The following ANKS1B variants were observed in gnomAD, a reference collection of about 807,000 sequenced individuals.
ANKS1B encodes the protein ankyrin repeat and sterile alpha motif domain containing 1B, also known as ankyrin repeat and sterile alpha motif domain-containing protein 1B.
In ANKS1B, 36 loss-of-function variants were observed where a neutral mutation model predicts 148.3. That is an observed-to-expected ratio of 0.24 (90% confidence interval 0.19 to 0.32). ANKS1B has a LOEUF of 0.32. Among genes scored for constraint, ANKS1B ranks in the 10% least tolerant of loss-of-function variants. The pLI is 1.00. For missense variants in ANKS1B, 1,157 were observed against 1,542.6 expected (o/e 0.75, Z 4.19); for synonymous variants, 542 against 560.8 (o/e 0.97, Z 0.47).
intron 1 of ANKS1B, among the ~76,000 whole-genome samples, chr12:99,959,470 C>A (rs1335323272): frequency 2.6e-5 from 4 of 151,980 alleles, no homozygotes; most frequent in Non-Finnish European, 5.9e-5. Flanking sequence ...AAATTACTAT[C>A]TATTGCATAT....
At chr12:99,199,920 G>C (rs1221172529) in intron 14 of ANKS1B, among the ~76,000 whole-genome samples, 1 of 152,148 alleles carries the variant, frequency 6.6e-6, no homozygotes, top group East Asian at 1.9e-4. Flanking sequence ...GAGATGCTTG[G>C]AGCAGGGAGA....
chr12:99,848,940 A>G lies in ANKS1B; in HGVS notation c.135-23551T>C, dbSNP rs116518840. Among the ~76,000 whole-genome samples the G allele has an allele frequency of 8.0e-3, 1,211 of 152,232 alleles. 14 individuals are homozygous for G. The highest frequency in any genetic ancestry group is 0.028 in the African/African-American group (1,146 of 41,542). ...CACTATCATAAGCAAACTAACACAG[A>G]AACAGAAAACCAAATAACACATGTT... On this transcript the variant is annotated intron_variant, in intron 1 of 26. Transcript: ENST00000683438.
chr12:99,552,686 A>G (rs889616750), intron 9 of ANKS1B, among the ~76,000 whole-genome samples: 39 of 152,208 alleles, frequency 2.6e-4, no homozygotes, highest in African/African-American at 9.4e-4. Context: ...GTCCCTCAGT[A>G]TCCATGGGGG....
intron 1 of ANKS1B, among the ~76,000 whole-genome samples, chr12:99,966,588 C>T (rs1415881618): frequency 1.3e-5 from 2 of 152,052 alleles, no homozygotes; most frequent in African/African-American, 2.4e-5. Flanking sequence ...AAATTAGATA[C>T]TACTGTATAG....
chr12:99,430,480 T>C (rs1206201998), intron 11 of ANKS1B, among the ~76,000 whole-genome samples: 1 of 152,188 alleles, frequency 6.6e-6, no homozygotes, highest in East Asian at 1.9e-4. Context: ...CCAAACACTG[T>C]ACGTTACTTG....
intron 10 of ANKS1B, among the ~76,000 whole-genome samples, chr12:99,495,553 T>A (rs754153407): frequency 1.3e-5 from 2 of 152,188 alleles, no homozygotes; most frequent in Admixed American, 6.5e-5. Flanking sequence ...TAGCACTGGT[T>A]TACAAATTTA....
At chr12:99,050,841 G>A (rs570117850) in intron 17 of ANKS1B, among the ~76,000 whole-genome samples, 13 of 150,860 alleles carry the variant, frequency 8.6e-5, no homozygotes, top group East Asian at 5.9e-4. Context: ...ACAGGTGCCC[G>A]CCACCACGCC....
At chr12:99,556,749 A>G (rs1408007535) in intron 9 of ANKS1B, among the ~76,000 whole-genome samples, 2 of 152,078 alleles carry the variant, frequency 1.3e-5, no homozygotes, top group Non-Finnish European at 2.9e-5. Flanking sequence ...GTAATTGTAC[A>G]GTTTTGAGTG....
At chr12:99,083,035 T>C (rs999971917) in intron 16 of ANKS1B, among the ~76,000 whole-genome samples, 4 of 152,118 alleles carry the variant, frequency 2.6e-5, no homozygotes, top group Admixed American at 2.0e-4. Flanking sequence ...ACTTCCTGAA[T>C]TGGTTCTAAG....
chr12:99,340,047 A>G (rs1181141504), intron 12 of ANKS1B, among the ~76,000 whole-genome samples: 1 of 152,208 alleles, frequency 6.6e-6, no homozygotes, highest in East Asian at 1.9e-4. Context: ...TATTGACAGG[A>G]AGTTTGTGGC....
At chr12:99,037,276 G>A (rs1434466075) in intron 17 of ANKS1B, among the ~76,000 whole-genome samples, 1 of 152,106 alleles carries the variant, frequency 6.6e-6, no homozygotes, top group African/African-American at 2.4e-5. Context: ...CAGCACTTTG[G>A]GAGGCCGTGG....
intron 14 of ANKS1B, among the ~76,000 whole-genome samples, chr12:99,218,206 A>AT (rs1289819842): frequency 6.6e-6 from 1 of 152,034 alleles, no homozygotes; most frequent in East Asian, 1.9e-4. Context: ...AAAAAAAGTC[A>AT]TTTTTCTCAC....
chr12:98,906,982 TATC>T (rs1448022602), intron 17 of ANKS1B, among the ~76,000 whole-genome samples: 2 of 150,526 alleles, frequency 1.3e-5, no homozygotes, highest in Admixed American at 6.7e-5. Context: ...CTAATGAACA[TATC>T]ATCCCCTCAC....
At chr12:99,475,404 A>G (rs993714053) in intron 10 of ANKS1B, among the ~76,000 whole-genome samples, 14 of 151,244 alleles carry the variant, frequency 9.3e-5, no homozygotes, top group Admixed American at 2.6e-4. Flanking sequence ...TGGAAATGGG[A>G]AAAAAAATTC....
intron 17 of ANKS1B, among the ~76,000 whole-genome samples, chr12:99,001,366 C>A (rs117483006): frequency 6.6e-6 from 1 of 152,136 alleles, no homozygotes; most frequent in East Asian, 1.9e-4. Context: ...TAGACTGAAG[C>A]GATCCTCCTG....
At chr12:99,892,034 C>T (rs570703765) in intron 1 of ANKS1B, among the ~76,000 whole-genome samples, 1 of 152,204 alleles carries the variant, frequency 6.6e-6, no homozygotes, top group Non-Finnish European at 1.5e-5. Flanking sequence ...GATGCAGTCT[C>T]GCTCTGTCAC....
At chr12:98,947,710 A>G (rs1174929243) in intron 17 of ANKS1B, among the ~76,000 whole-genome samples, 3 of 152,172 alleles carry the variant, frequency 2.0e-5, no homozygotes, top group Non-Finnish European at 4.4e-5. Context: ...ATAGTCTTTG[A>G]GAGTTAACTC....
At chr12:99,892,027 G>A (rs11110091) in intron 1 of ANKS1B, among the ~76,000 whole-genome samples, 10,196 of 152,066 alleles carry the variant, frequency 0.067, 406 homozygotes, top group Non-Finnish European at 0.081. Context: ...TGTTTGAGAT[G>A]CAGTCTCGCT....
At chr12:99,845,329 T>A (rs1475719499) in intron 1 of ANKS1B, among the ~76,000 whole-genome samples, 3 of 152,184 alleles carry the variant, frequency 2.0e-5, no homozygotes, top group Non-Finnish European at 4.4e-5. Context: ...TTCTTCCAGC[T>A]TTTGCTCACT....
Sources: allele counts gnomAD v4.1 joint callset (sites outside exome capture counted in the v4.1 genomes callset), GRCh38; gene constraint gnomAD v4.1.1; transcripts MANE v1.5; gene names NCBI Gene and HGNC (gene_info 2026-07-23, HGNC 2026-07-21).